The following KCNH7 variants were observed in gnomAD, a reference collection of about 807,000 sequenced individuals.
KCNH7 encodes the protein potassium voltage-gated channel subfamily H member 7, also known as voltage-gated inwardly rectifying potassium channel KCNH7.
KCNH7 carries 49 observed loss-of-function variants against 120.8 expected under a neutral mutation model. The ratio of observed to expected loss-of-function variants is 0.41; its 90% CI spans 0.32 to 0.51. The LOEUF (loss-of-function observed/expected upper bound fraction) is 0.51. Among genes scored for constraint, KCNH7 ranks in the 20% least tolerant of loss-of-function variants. The pLI, the probability that KCNH7 is intolerant of heterozygous loss-of-function variation, is 0.38. For synonymous variants in KCNH7, 547 were observed against 516.1 expected (o/e 1.06, Z -0.81); for missense variants, 1,097 against 1,446.6 (o/e 0.76, Z 3.92).
intron 2 of KCNH7, among the ~76,000 whole-genome samples, chr2:162,616,924 T>G (rs908149633): frequency 2.0e-5 from 3 of 152,214 alleles, no homozygotes; most frequent in Non-Finnish European, 4.4e-5. Flanking sequence ...ATCCCATTTA[T>G]GCCTACAGTG....
At chr2:162,602,692 T>A (rs1440966109) in intron 2 of KCNH7, among the ~76,000 whole-genome samples, 1 of 152,094 alleles carries the variant, frequency 6.6e-6, no homozygotes, top group Non-Finnish European at 1.5e-5. Flanking sequence ...TTATCCATTT[T>A]TTTCTGAAGT....
At chr2:162,679,412 T>C (rs1009353205) in intron 2 of KCNH7, among the ~76,000 whole-genome samples, 1 of 151,624 alleles carries the variant, frequency 6.6e-6, no homozygotes, top group African/African-American at 2.4e-5. Flanking sequence ...TGTTTTAATT[T>C]AAATTATTTG....
intron 2 of KCNH7, among the ~76,000 whole-genome samples, chr2:162,540,864 T>TA (rs766367344): frequency 1.3e-5 from 2 of 152,080 alleles, no homozygotes; most frequent in Non-Finnish European, 2.9e-5. Context: ...GTTGGGAAAA[T>TA]ACTGCAATAC....
At chr2:162,587,921 T>C (rs1398211599) in intron 2 of KCNH7, among the ~76,000 whole-genome samples, 7 of 152,090 alleles carry the variant, frequency 4.6e-5, no homozygotes, top group Non-Finnish European at 8.8e-5. Context: ...ACAGCCGACA[T>C]ACCTACAAGT....
intron 2 of KCNH7, among the ~76,000 whole-genome samples, chr2:162,702,282 C>T (rs1559089620): frequency 6.6e-6 from 1 of 152,116 alleles, no homozygotes; most frequent in East Asian, 1.9e-4. Flanking sequence ...TTTGGTAGCT[C>T]CCTCCTTTCT....
At chr2:162,385,036 G>C in intron 12 of KCNH7, 97 bp from the exon 13 acceptor site, 1 of 913,938 alleles carries the variant, frequency 1.1e-6, no homozygotes, top group Non-Finnish European at 1.6e-6. Context: ...ATATAAACTA[G>C]CTTTTTCCTA....
chr2:162,815,732 T>C (rs1406710183), intron 2 of KCNH7, among the ~76,000 whole-genome samples: 1 of 152,182 alleles, frequency 6.6e-6, no homozygotes, highest in Non-Finnish European at 1.5e-5. Context: ...TTAAAACGTA[T>C]TTATAAATAC....
At chr2:162,482,600 T>A (rs914182275) in intron 6 of KCNH7, among the ~76,000 whole-genome samples, 12 of 152,302 alleles carry the variant, frequency 7.9e-5, no homozygotes, top group African/African-American at 2.6e-4. Flanking sequence ...ATGCTAGCAC[T>A]TTAAAAAAGT....
chr2:162,451,174 C>A (rs1317962434), intron 6 of KCNH7, among the ~76,000 whole-genome samples: 1 of 151,912 alleles, frequency 6.6e-6, no homozygotes, highest in African/African-American at 2.4e-5. Flanking sequence ...AGATAGTAAT[C>A]TTTGCAAAAA....
At chr2:162,471,261 A>G (rs1689517225) in intron 6 of KCNH7, among the ~76,000 whole-genome samples, 1 of 152,136 alleles carries the variant, frequency 6.6e-6, no homozygotes, top group Admixed American at 6.5e-5. Flanking sequence ...AAAAAAAAAA[A>G]AAAGGTAGAT....
At chr2:162,582,087 G>A (rs1171797520) in intron 2 of KCNH7, among the ~76,000 whole-genome samples, 2 of 152,068 alleles carry the variant, frequency 1.3e-5, no homozygotes, top group East Asian at 1.9e-4. Context: ...GATAAGCATG[G>A]CTGAACAATA....
At chr2:162,540,313 G>A (rs1475061308) in intron 2 of KCNH7, among the ~76,000 whole-genome samples, 1 of 150,706 alleles carries the variant, frequency 6.6e-6, no homozygotes, top group East Asian at 1.9e-4. Context: ...TCCCCTGAGT[G>A]AAAACATTTC....
intron 2 of KCNH7, among the ~76,000 whole-genome samples, chr2:162,720,317 AAAAAAAGAG>A (rs1285197848): frequency 6.6e-6 from 1 of 150,722 alleles, no homozygotes; most frequent in African/African-American, 2.4e-5. Context: ...AAAAAAAAAA[AAAAAAAGAG>A]AGAGAGAGGG....
chr2:162,748,910 CCTTCCCTTCCCTTTCCTTT>C (rs1688428105), intron 2 of KCNH7, among the ~76,000 whole-genome samples: 1 of 70,742 alleles, frequency 1.4e-5, no homozygotes, highest in Non-Finnish European at 2.2e-5. Context: ...TTCCTTCCTT[CCTTCCCTTCCCTTTCCTTT>C]CCTTCCTTCC....
chr2:162,542,416 A>G (rs1470323679), intron 2 of KCNH7, among the ~76,000 whole-genome samples: 1 of 99,486 alleles, frequency 1.0e-5, no homozygotes, highest in Non-Finnish European at 1.9e-5. Flanking sequence ...CCACCCCACA[A>G]CAGTCCCCGG....
intron 2 of KCNH7, among the ~76,000 whole-genome samples, chr2:162,705,395 T>C (rs1320813575): frequency 2.0e-5 from 3 of 152,120 alleles, no homozygotes; most frequent in Non-Finnish European, 2.9e-5. Context: ...GCTAGGGTCC[T>C]ACTCAGATAA....
At chr2:162,752,955 A>ACCCCTG (rs1688634159) in intron 2 of KCNH7, among the ~76,000 whole-genome samples, 1 of 114,454 alleles carries the variant, frequency 8.7e-6, no homozygotes. Flanking sequence ...AAAGAAAAGA[A>ACCCCTG]AAGAAAAGAA....
intron 8 of KCNH7, among the ~76,000 whole-genome samples, chr2:162,431,332 T>G (rs1688059118): frequency 1.3e-5 from 2 of 151,984 alleles, no homozygotes; most frequent in Non-Finnish European, 2.9e-5. Context: ...TTTTTTGTTA[T>G]TTTATTTTTT....
intron 6 of KCNH7, among the ~76,000 whole-genome samples, chr2:162,478,337 G>A (rs192165368): frequency 1.3e-5 from 2 of 152,260 alleles, no homozygotes; most frequent in Admixed American, 6.5e-5. Flanking sequence ...GGAAGTGGGC[G>A]AGCAGATTTT....
Sources: gnomAD v4.1 joint callset for allele counts (sites outside exome capture counted in the v4.1 genomes callset) on GRCh38, gnomAD v4.1.1 for gene constraint, MANE v1.5 for transcripts, NCBI Gene and HGNC (gene_info 2026-07-23, HGNC 2026-07-21) for gene names.